UCHL5: variants seen among roughly 807,000 people sequenced by gnomAD.
UCHL5 encodes ubiquitin carboxyl-terminal hydrolase isozyme L5.
In UCHL5, 34 loss-of-function variants were observed where a neutral mutation model predicts 53.8. That is an observed-to-expected ratio of 0.63 (90% CI 0.48 to 0.84). The LOEUF is 0.84. Ranked by LOEUF, UCHL5 falls within the 40% of genes least tolerant of loss-of-function variation. The pLI, the probability that UCHL5 is intolerant of heterozygous loss-of-function variation, is 0.00. For synonymous variants in UCHL5, 111 were observed against 126.3 expected (o/e 0.88, Z 0.81); for missense variants, 290 against 385.6 (o/e 0.75, Z 2.08).
rs569687353 is a variant in UCHL5, at chr1:193,056,977, T to C, written c.76+2208A>G. On this transcript the variant is annotated intron_variant, in intron 1 of 10. Transcript: ENST00000367454. Reference sequence around the variant, plus strand: ...GATGAATTTATATATCATTCTTTCATGCATGATCTCCAAGTTTTCTGCACA... The same window carrying C: ...GATGAATTTATATATCATTCTTTCACGCATGATCTCCAAGTTTTCTGCACA... Among the ~76,000 whole-genome samples, 21 of 152,372 alleles carry C rather than the reference T, an allele frequency of 1.4e-4. No individual in the cohort carries two copies. The South Asian group carries it at 3.7e-3, about 27-fold the overall frequency.
chr1:193,033,708 A>G (rs1662354542), intron 3 of UCHL5, among the ~76,000 whole-genome samples: 1 of 152,166 alleles, frequency 6.6e-6, no homozygotes, highest in Non-Finnish European at 1.5e-5. Flanking sequence ...AAGACTCTAT[A>G]AAGAAAGATA....
chr1:193,032,118 A>T (rs1661661983), intron 3 of UCHL5, among the ~76,000 whole-genome samples: 1 of 152,160 alleles, frequency 6.6e-6, no homozygotes, highest in Admixed American at 6.5e-5. Flanking sequence ...CATGATGACA[A>T]CCTGATACTG....
At chr1:193,059,812 T>C (rs894724315), upstream of UCHL5, 2 of 1,357,322 alleles carry the variant, frequency 1.5e-6, no homozygotes, top group African/African-American at 1.5e-5. This position sits in a 1 kb window ranked among gnomAD's most constrained non-coding sequence, Gnocchi z 4.9. Flanking sequence ...GGGAGCCTTT[T>C]GTGCGGCCCC....
Position 193,023,885 on chromosome 1 carries a change from A to C in UCHL5, c.691T>G (p.Tyr231Asp). Residue 231 changes from tyrosine (Y) to aspartate (D), a missense_variant, in exon 8 of 11, where the codon TAT becomes GAT. Physicochemically the swap from Tyr to Asp is radical, Grantham distance 160. Coordinates refer to ENST00000367454, the MANE Select transcript of UCHL5 (RefSeq NM_001199261.3). ...MAIVSDRKMIYEQKIAELQRQ... is the reference protein window; with the variant it reads ...MAIVSDRKMIDEQKIAELQRQ... ...TGTAACTCTGCTATCTTCTGCTCAT[A>C]TATCATTTTTCTGTCAGACACAATG... The C allele has an allele frequency of 6.2e-7, 1 of 1,613,244 alleles. No individual in the cohort carries two copies. Among genetic ancestry groups the C allele is most frequent in the Non-Finnish European group, 8.5e-7 (1 of 1,179,764 alleles).
chr1:193,023,286 C>G (rs1657857362), intron 8 of UCHL5, among the ~76,000 whole-genome samples: 1 of 152,124 alleles, frequency 6.6e-6, no homozygotes, highest in Non-Finnish European at 1.5e-5. Flanking sequence ...TTGCCATATT[C>G]TCCTAATACA....
rs185907444 is a variant in UCHL5, at chr1:193,055,147, G to A, written c.77-3330C>T. ...CAATGGGTTTCTCCTGTTTCTGCAC[G>A]TCTTCTGCAAGGAATTACCAGCTTT... is the stretch of plus-strand genomic sequence containing the variant. On this transcript the variant is annotated intron_variant, in intron 1 of 10. Coordinates refer to ENST00000367454, the MANE Select transcript of UCHL5 (RefSeq NM_001199261.3). 1.3e-3 allele frequency among the ~76,000 whole-genome samples: 197 copies of A among 152,246 alleles called. 1 individual carries two copies. Among genetic ancestry groups the A allele is most frequent in the Admixed American group, 7.4e-3 (113 of 15,286 alleles).
chr1:193,016,626 C>G (rs906593904), intron 10 of UCHL5, among the ~76,000 whole-genome samples: 3 of 151,614 alleles, frequency 2.0e-5, no homozygotes, highest in Admixed American at 6.6e-5. Flanking sequence ...GCAGTTCTTT[C>G]CTATCTGAAG....
chr1:193,044,889 C>T (rs191633826), intron 3 of UCHL5, among the ~76,000 whole-genome samples: 19 of 152,108 alleles, frequency 1.2e-4, no homozygotes, highest in Non-Finnish European at 2.2e-4. Flanking sequence ...TTAATATGAA[C>T]GTTAGCAAAA....
intron 9 of UCHL5, among the ~76,000 whole-genome samples, chr1:193,021,643 C>T (rs1245325085): frequency 1.3e-5 from 2 of 152,164 alleles, no homozygotes; most frequent in Non-Finnish European, 2.9e-5. Context: ...CAGTGGAAAA[C>T]TATGCACTGT....
chr1:193,059,456 A>C, upstream of UCHL5: 1 of 1,609,478 alleles, frequency 6.2e-7, no homozygotes, highest in Non-Finnish European at 8.5e-7. The surrounding 1 kb of genome is among the most constrained non-coding windows in gnomAD (Gnocchi z 4.9). Flanking sequence ...GCCACCCTAG[A>C]GACATCGAAA....
chr1:193,059,874 G>T, upstream of UCHL5: 1 of 1,364,928 alleles, frequency 7.3e-7, no homozygotes, highest in Non-Finnish European at 9.8e-7. The surrounding 1 kb of genome is among the most constrained non-coding windows in gnomAD (Gnocchi z 4.9). Flanking sequence ...CGCATCCCAG[G>T]GGTTGAGGCT....
At chr1:193,018,900 T>C (rs1655850030) in intron 10 of UCHL5, 5 of 1,134,194 alleles carry the variant, frequency 4.4e-6, no homozygotes, top group Admixed American at 2.7e-5. Flanking sequence ...TTAGAAGTAT[T>C]ACCATTAAGT....
chr1:193,051,927 A>G lies in UCHL5; in HGVS notation c.77-110T>C, dbSNP rs142866263. Reference sequence around the variant, plus strand: ...GCAACACATGACAAAACAAAATGGTAAAACTAATAAAGCTCACAGCCAAAT... The same window carrying G: ...GCAACACATGACAAAACAAAATGGTGAAACTAATAAAGCTCACAGCCAAAT... On this transcript the variant is annotated intron_variant, in intron 1 of 10. Transcript: ENST00000367454. The G allele has an allele frequency of 5.0e-4, 363 of 730,938 alleles. 2 individuals carry two copies. In the African/African-American group the frequency reaches 6.1e-3, roughly 12 times the overall value. 45.3% of individuals were successfully genotyped at this position (730,938 alleles called of 1,614,324 possible).
At chr1:193,019,921 T>C in intron 10 of UCHL5, 1 of 973,854 alleles carries the variant, frequency 1.0e-6, no homozygotes, top group Non-Finnish European at 1.2e-6. Context: ...GCACATTTTA[T>C]AGTTATTTTA....
intron 8 of UCHL5, among the ~76,000 whole-genome samples, 160 bp downstream of exon 8, chr1:193,023,684 C>T (rs1338474135): frequency 2.0e-5 from 3 of 152,168 alleles, no homozygotes; most frequent in Admixed American, 6.5e-5. Flanking sequence ...CCTATATCCA[C>T]TAAGTGCAAA....
chr1:193,037,420 C>A (rs1371377231), intron 3 of UCHL5, among the ~76,000 whole-genome samples: 1 of 151,932 alleles, frequency 6.6e-6, no homozygotes, highest in Non-Finnish European at 1.5e-5. Context: ...ATACAACCTA[C>A]CAAGACTGAA....
chr1:193,014,737 G>A lies in UCHL5; in HGVS notation c.*1614C>T, dbSNP rs531449619. The A allele has an allele frequency of 8.6e-5, 13 of 151,940 alleles. No homozygotes were observed. The highest frequency in any genetic ancestry group is 6.6e-4 in the Admixed American group (10 of 15,242). 9.4% of individuals were successfully genotyped at this position (151,940 alleles called of 1,614,324 possible). On this transcript the variant is annotated 3_prime_UTR_variant, in exon 11 of 11. Transcript: ENST00000367454. ...GTTGAATTGTTTTGCCACCTTTGTC[G>A]AAATCAAGTGATCATATAAACGTTG... is the stretch of plus-strand genomic sequence containing the variant.
chr1:193,057,876 C>A (rs1486061224), intron 1 of UCHL5, among the ~76,000 whole-genome samples: 1 of 152,172 alleles, frequency 6.6e-6, no homozygotes, highest in Admixed American at 6.5e-5. Context: ...ATTAACACAC[C>A]ATATTATAGT....
intron 10 of UCHL5, among the ~76,000 whole-genome samples, chr1:193,018,024 C>A (rs1163266825): frequency 6.6e-6 from 1 of 151,384 alleles, no homozygotes; most frequent in African/African-American, 2.4e-5. Context: ...GTTAAAAATA[C>A]TTTCCTTCTA....
Sources: allele counts gnomAD v4.1 joint callset (sites outside exome capture counted in the v4.1 genomes callset), GRCh38; gene constraint gnomAD v4.1.1; non-coding constraint Gnocchi (gnomAD v3.1); transcripts MANE v1.5; gene names NCBI Gene and HGNC (gene_info 2026-07-23, HGNC 2026-07-21).